Variants in DTNB observed in about 807,000 individuals in gnomAD.
The protein encoded by DTNB is dystrobrevin beta, also known as DTN-B.
Under a neutral mutation model 90.7 loss-of-function variants are expected in DTNB, and 63 were observed. The ratio of observed to expected loss-of-function variants is 0.69; its 90% CI spans 0.57 to 0.86. The LOEUF (loss-of-function observed/expected upper bound fraction) is 0.86, where lower values mean the gene tolerates loss of function less well. Ranked by LOEUF, DTNB falls within the 40% of genes least tolerant of loss-of-function variation. DTNB has a pLI of 0.00. For synonymous variants in DTNB, 277 were observed against 286.7 expected, an observed-to-expected ratio of 0.97 and a Z score of 0.34; for missense variants, 744 against 807.1, an observed-to-expected ratio of 0.92 and a Z score of 0.95.
At chr2:25,394,796 G>C (rs2041996796) in intron 16 of DTNB, among the ~76,000 whole-genome samples, 1 of 152,170 alleles carries the variant, frequency 6.6e-6, no homozygotes, top group African/African-American at 2.4e-5. Flanking sequence ...ATGTAAACTA[G>C]TACAACTACT....
At chr2:25,567,333 T>A (rs1362670608) in intron 8 of DTNB, among the ~76,000 whole-genome samples, 2 of 152,182 alleles carry the variant, frequency 1.3e-5, no homozygotes, top group Non-Finnish European at 2.9e-5. Context: ...ACATGGAAAT[T>A]GAACACTGCT....
chr2:25,598,754 A>G (rs2065183467), intron 5 of DTNB: 1 of 152,226 alleles, frequency 6.6e-6, no homozygotes, highest in Non-Finnish European at 1.5e-5. Flanking sequence ...GCACTAAAGA[A>G]GAGTAGGATA....
At chr2:25,517,344 T>TA (rs1340564012) in intron 9 of DTNB, among the ~76,000 whole-genome samples, 4 of 152,166 alleles carry the variant, frequency 2.6e-5, no homozygotes, top group Admixed American at 2.0e-4. Flanking sequence ...GAAATATTCT[T>TA]AAACAGGATG....
chr2:25,543,787 T>G (rs899667539), intron 8 of DTNB, among the ~76,000 whole-genome samples: 1 of 152,226 alleles, frequency 6.6e-6, no homozygotes, highest in African/African-American at 2.4e-5. Flanking sequence ...TTTTGGAAAT[T>G]TGCTCTTTGA....
At chr2:25,459,092 T>C (rs2060522433) in intron 10 of DTNB, among the ~76,000 whole-genome samples, 1 of 152,130 alleles carries the variant, frequency 6.6e-6, no homozygotes, top group Non-Finnish European at 1.5e-5. Flanking sequence ...TTCAGCAATT[T>C]GATTCTGATG....
intron 16 of DTNB, among the ~76,000 whole-genome samples, chr2:25,409,036 G>A (rs1316449681): frequency 6.6e-6 from 1 of 152,210 alleles, no homozygotes; most frequent in African/African-American, 2.4e-5. Flanking sequence ...TGAGCCACAG[G>A]AGAAGGGCAT....
At chr2:25,465,475 A>G (rs1192869524) in intron 10 of DTNB, among the ~76,000 whole-genome samples, 4 of 152,138 alleles carry the variant, frequency 2.6e-5, no homozygotes, top group Non-Finnish European at 4.4e-5. Context: ...AAACTATTCT[A>G]TAATAAATCT....
At chr2:25,644,281 C>T (rs989923127) in intron 2 of DTNB, among the ~76,000 whole-genome samples, 8 of 152,068 alleles carry the variant, frequency 5.3e-5, no homozygotes, top group Admixed American at 1.3e-4. Flanking sequence ...GGATCTGGAT[C>T]GGGACCCCTT....
intron 3 of DTNB, among the ~76,000 whole-genome samples, chr2:25,633,158 G>GCTCTCCCTCTCCCTCTCC (rs201883625): frequency 6.6e-6 from 1 of 151,910 alleles, no homozygotes; most frequent in Non-Finnish European, 1.5e-5. Context: ...TTTTAAAATA[G>GCTCTCCCTCTCCCTCTCC]CTCTCCCTCT....
At chr2:25,552,165 T>G (rs2056402234) in intron 8 of DTNB, among the ~76,000 whole-genome samples, 1 of 152,204 alleles carries the variant, frequency 6.6e-6, no homozygotes, top group African/African-American at 2.4e-5. Flanking sequence ...CCAGTTGTGT[T>G]CCTCTCATTT....
chr2:25,601,958 C>T (rs1450730986), intron 5 of DTNB, among the ~76,000 whole-genome samples: 1 of 151,998 alleles, frequency 6.6e-6, no homozygotes, highest in Non-Finnish European at 1.5e-5. Flanking sequence ...CCGGCCTCTA[C>T]TGAAAATACA....
chr2:25,476,816 A>C (rs1433785559), intron 10 of DTNB, among the ~76,000 whole-genome samples: 1 of 152,234 alleles, frequency 6.6e-6, no homozygotes, highest in Admixed American at 6.5e-5. Context: ...TGAAATGACA[A>C]GGATTTAGAA....
At chr2:25,444,288 G>A (rs2058047912) in intron 12 of DTNB, among the ~76,000 whole-genome samples, 1 of 152,124 alleles carries the variant, frequency 6.6e-6, no homozygotes, top group African/African-American at 2.4e-5. Flanking sequence ...CAGCACTTTG[G>A]GAGGCTGAGG....
intron 9 of DTNB, among the ~76,000 whole-genome samples, chr2:25,523,558 ATGAGCC>A (rs2076533306): frequency 6.6e-6 from 1 of 150,660 alleles, no homozygotes; most frequent in Non-Finnish European, 1.5e-5. Flanking sequence ...TGAGAATTGC[ATGAGCC>A]TGGGAAGCGG....
intron 8 of DTNB, among the ~76,000 whole-genome samples, chr2:25,566,636 T>A (rs2059080830): frequency 6.6e-6 from 1 of 152,132 alleles, no homozygotes; most frequent in Non-Finnish European, 1.5e-5. Flanking sequence ...TAATAGTCAA[T>A]CCCTAATAGT....
intron 9 of DTNB, among the ~76,000 whole-genome samples, chr2:25,523,411 AGGC>A (rs2076497131): frequency 6.6e-6 from 1 of 152,188 alleles, no homozygotes; most frequent in African/African-American, 2.4e-5. Flanking sequence ...TGGCCAAGGC[AGGC>A]AGATTGCTTG....
chr2:25,536,087 G>A lies in DTNB; in HGVS notation c.877-4490C>T, dbSNP rs181674844. ...CCAGACGGGGCGGCTGGGCCGAGGC[G>A]CTCCTCACTTCCCAGACGGGGCGGC... On this transcript the variant is annotated intron_variant, in intron 8 of 20. Coordinates refer to ENST00000406818, the MANE Select transcript of DTNB (RefSeq NM_021907.5). Among the ~76,000 whole-genome samples the A allele has an allele frequency of 9.9e-3, 1,461 of 146,898 alleles. 12 individuals carry two copies. The highest frequency in any genetic ancestry group is 0.028 in the African/African-American group (1,118 of 39,476).
chr2:25,378,738 A>G (rs774905344), intron 20 of DTNB, among the ~76,000 whole-genome samples: 9 of 152,210 alleles, frequency 5.9e-5, no homozygotes, highest in Non-Finnish European at 1.2e-4. Flanking sequence ...ACTTTTCTGC[A>G]TTGCTTCTTC....
chr2:25,606,025 T>C (rs2067022859), intron 5 of DTNB, among the ~76,000 whole-genome samples: 1 of 152,194 alleles, frequency 6.6e-6, no homozygotes, highest in Non-Finnish European at 1.5e-5. Context: ...TTAAGATCTT[T>C]CTTTGGAATA....
Sources: gnomAD v4.1 joint callset for allele counts (sites outside exome capture counted in the v4.1 genomes callset) on GRCh38, gnomAD v4.1.1 for gene constraint, MANE v1.5 for transcripts, NCBI Gene and HGNC (gene_info 2026-07-23, HGNC 2026-07-21) for gene names.